AOPEP: variants seen among roughly 807,000 people sequenced by gnomAD.
AOPEP encodes the protein aminopeptidase O (putative).
AOPEP carries 77 observed loss-of-function variants against 98.1 expected under a neutral mutation model. The observed-to-expected ratio is 0.78, with a 90% CI of 0.65 to 0.95. The LOEUF is 0.95. AOPEP is among the 40% of genes least tolerant of loss of function. AOPEP has a pLI of 0.00. For synonymous variants in AOPEP, 346 were observed against 365.3 expected, an observed-to-expected ratio of 0.95 and a Z score of 0.60; for missense variants, 1,024 against 1,024.7, an observed-to-expected ratio of 1.00 and a Z score of 0.01.
chr9:95,006,068 A>C (rs201823379), intron 13 of AOPEP: 1 of 472,072 alleles, frequency 2.1e-6, no homozygotes, highest in African/African-American at 2.0e-5. Flanking sequence ...TTAAAACACT[A>C]GGAGGAATTT....
At chr9:95,080,963 T>G in intron 15 of AOPEP, 183 bp downstream of exon 15, 1 of 599,150 alleles carries the variant, frequency 1.7e-6, no homozygotes, top group African/African-American at 1.9e-5. Flanking sequence ...TCTCTCAATG[T>G]CTTTGAAGGA....
rs1237975081 is a variant in AOPEP, at chr9:95,005,598, G to A, written c.2097G>A (p.Lys699=). Residue 699 remains lysine (K), a synonymous_variant, in exon 13 of 17, where the codon AAG becomes AAA. Transcript: ENST00000375315. ...RRPRKRKRRE[K]EEVFEKLLPD... is the part of the protein sequence containing the mutation. The stretch of plus-strand genomic sequence containing the variant: ...CCCGAAAACGGAAGCGCAGGGAGAA[G>A]GAAGAGGTGTTTGAAAAGGTAGGGG... 6.2e-7 allele frequency: 1 copy of A among 1,614,060 alleles called. No homozygotes were observed.
At chr9:95,104,086 G>A in the AOPEP span, among the ~76,000 whole-genome samples, 1 of 152,150 alleles carries the variant, frequency 6.6e-6, no homozygotes, top group South Asian at 2.1e-4. Flanking sequence ...ACCTGCTCGT[G>A]GGCCAAGCAG....
At chr9:95,062,289 T>G (rs943808182) in intron 14 of AOPEP, among the ~76,000 whole-genome samples, 2 of 152,158 alleles carry the variant, frequency 1.3e-5, no homozygotes, top group African/African-American at 2.4e-5. Flanking sequence ...TGGGACCTGG[T>G]GGGGGCAGAT....
At chr9:94,857,878 A>G (rs2044423465) in intron 5 of AOPEP, among the ~76,000 whole-genome samples, 1 of 152,222 alleles carries the variant, frequency 6.6e-6, no homozygotes, top group South Asian at 2.1e-4. Context: ...ATGTTAAGAC[A>G]TCATTTACGT....
intron 13 of AOPEP, among the ~76,000 whole-genome samples, chr9:95,033,940 T>A (rs550919821): frequency 1.3e-5 from 2 of 152,324 alleles, no homozygotes; most frequent in East Asian, 3.9e-4. Flanking sequence ...CAAATTATAT[T>A]ATTTGATTAA....
At chr9:94,917,671 T>C (rs990582791) in intron 5 of AOPEP, among the ~76,000 whole-genome samples, 3 of 152,176 alleles carry the variant, frequency 2.0e-5, no homozygotes, top group Admixed American at 6.5e-5. Flanking sequence ...CCCTATAGTA[T>C]CACTGCTACT....
intron 16 of AOPEP, among the ~76,000 whole-genome samples, chr9:95,084,735 A>T (rs1385699093): frequency 6.6e-6 from 1 of 151,048 alleles, no homozygotes; most frequent in African/African-American, 2.4e-5. Flanking sequence ...AGCATCTTCG[A>T]TCCTGTCCCC....
chr9:95,014,454 A>G (rs761272512), intron 13 of AOPEP, among the ~76,000 whole-genome samples: 2 of 152,046 alleles, frequency 1.3e-5, no homozygotes, highest in Non-Finnish European at 2.9e-5. Context: ...CCTGGGTGAC[A>G]GAGCAAGACC....
intron 1 of AOPEP, among the ~76,000 whole-genome samples, chr9:94,749,522 T>C (rs1352248445): frequency 6.6e-6 from 1 of 152,234 alleles, no homozygotes; most frequent in African/African-American, 2.4e-5. Flanking sequence ...CCTGTCCATC[T>C]TGGACTCCAA....
At chr9:94,943,867 C>T (rs1261187345) in intron 7 of AOPEP, among the ~76,000 whole-genome samples, 2 of 125,866 alleles carry the variant, frequency 1.6e-5, no homozygotes, top group Non-Finnish European at 3.1e-5. Flanking sequence ...TTGCAGTGAG[C>T]TGAGATTGTA....
intron 3 of AOPEP, among the ~76,000 whole-genome samples, chr9:94,791,526 G>T (rs1005412968): frequency 7.2e-5 from 11 of 151,916 alleles, no homozygotes; most frequent in African/African-American, 2.7e-4. Flanking sequence ...AATGTAAGCT[G>T]TGTGTGGTGG....
intron 10 of AOPEP, among the ~76,000 whole-genome samples, chr9:94,970,609 C>T (rs781669343): frequency 6.6e-5 from 10 of 151,316 alleles, no homozygotes; most frequent in Non-Finnish European, 1.2e-4. Context: ...CGCAGTCTCC[C>T]TGGATAAAAC....
chr9:94,793,443 G>T (rs1044876438), intron 4 of AOPEP, among the ~76,000 whole-genome samples: 2 of 152,180 alleles, frequency 1.3e-5, no homozygotes, highest in African/African-American at 4.8e-5. Context: ...ACTTTGGGAG[G>T]CTGAGGCGGG....
chr9:95,082,436 C>A (rs757589372), intron 15 of AOPEP, 139 bp from the exon 16 acceptor site: 44 of 886,660 alleles, frequency 5.0e-5, no homozygotes, highest in Middle Eastern at 3.5e-4. Context: ...AGTCAGCCCA[C>A]GGCCTCTGTC....
At chr9:94,779,911 A>G (rs757706132) in intron 3 of AOPEP, among the ~76,000 whole-genome samples, 1 of 152,206 alleles carries the variant, frequency 6.6e-6, no homozygotes, top group Non-Finnish European at 1.5e-5. Flanking sequence ...AGCCAAAAGC[A>G]TCATCCTTAT....
At chr9:94,735,133 G>A (rs1182695736) in intron 1 of AOPEP, among the ~76,000 whole-genome samples, 3 of 152,240 alleles carry the variant, frequency 2.0e-5, no homozygotes, top group African/African-American at 7.2e-5. Flanking sequence ...GTAGCTCATT[G>A]GTTCAGAAAC....
At chr9:94,890,430 T>C (rs1173691257) in intron 5 of AOPEP, among the ~76,000 whole-genome samples, 3 of 152,204 alleles carry the variant, frequency 2.0e-5, no homozygotes, top group Non-Finnish European at 4.4e-5. Context: ...CCCAAAGTGC[T>C]GGGATTACAG....
chr9:95,080,708 G>A lies in AOPEP; in HGVS notation c.2247G>A (p.Trp749Ter), dbSNP rs756773913. 3 of 1,613,746 alleles carry A rather than the reference G, an allele frequency of 1.9e-6. No individual in the cohort carries two copies. Residue 749 changes from tryptophan to a stop codon, truncating the protein, a stop_gained, in exon 15 of 17, where the codon TGG (tryptophan) becomes TGA (stop). Transcript: ENST00000375315. LOFTEE classifies it high-confidence loss of function. ...TGTTCCTCCAGGTTCGCCATCGGTG[G>A]TGTGAACTCATTGTTAAGCACAAGT... ...QDQDAEVRHR[W>*]CELIVKHKFT...
Sources: gnomAD v4.1 joint callset for allele counts (sites outside exome capture counted in the v4.1 genomes callset) on GRCh38, gnomAD v4.1.1 for gene constraint, MANE v1.5 for transcripts, NCBI Gene and HGNC (gene_info 2026-07-23, HGNC 2026-07-21) for gene names.